The following MINDY3 variants were observed in gnomAD, a reference collection of about 807,000 sequenced individuals.
The protein encoded by MINDY3 is MINDY lysine 48 deubiquitinase 3.
In MINDY3, 38 loss-of-function variants were observed where a neutral mutation model predicts 69.2. The observed-to-expected ratio is 0.55, with a 90% CI of 0.42 to 0.72. The LOEUF (loss-of-function observed/expected upper bound fraction) is 0.72, where lower values mean the gene tolerates loss of function less well. Ranked by LOEUF, MINDY3 falls within the 30% of genes least tolerant of loss-of-function variation. The pLI, the probability that MINDY3 is intolerant of heterozygous loss-of-function variation, is 0.00. For synonymous variants in MINDY3, 192 were observed against 180.1 expected (o/e 1.07, Z -0.53); for missense variants, 522 against 519.0 (o/e 1.01, Z -0.06).
intron 10 of MINDY3, 42 bp from the exon 11 acceptor site, chr10:15,796,214 A>G (rs1183033919): frequency 1.3e-6 from 2 of 1,516,352 alleles, no homozygotes; most frequent in African/African-American, 1.4e-5. Context: ...CTACAGTATT[A>G]TGACATTAAA....
intron 12 of MINDY3, among the ~76,000 whole-genome samples, chr10:15,788,182 C>A (rs752303921): frequency 1.3e-5 from 2 of 152,074 alleles, no homozygotes; most frequent in African/African-American, 4.8e-5. Context: ...ACAACATGGT[C>A]TCTACTTGGA....
At chr10:15,811,227 C>T (rs747149300) in intron 10 of MINDY3, among the ~76,000 whole-genome samples, 17 of 151,822 alleles carry the variant, frequency 1.1e-4, no homozygotes, top group Non-Finnish European at 2.5e-4. Flanking sequence ...ACAATAAAAC[C>T]GAAGTTGAAA....
chr10:15,802,244 C>T (rs371064636), intron 10 of MINDY3, among the ~76,000 whole-genome samples: 4 of 152,082 alleles, frequency 2.6e-5, no homozygotes, highest in African/African-American at 4.8e-5. Context: ...TTTTCAAAAA[C>T]GAACTGCATT....
At chr10:15,798,466 T>G (rs1309807680) in intron 10 of MINDY3, among the ~76,000 whole-genome samples, 1 of 147,766 alleles carries the variant, frequency 6.8e-6, no homozygotes, top group Non-Finnish European at 1.5e-5. Flanking sequence ...TGCCAAGTGT[T>G]TTTTTTTTTT....
chr10:15,833,553 T>G (rs565190843), intron 8 of MINDY3, 77 bp downstream of exon 8: 1 of 953,436 alleles, frequency 1.0e-6, no homozygotes, highest in African/African-American at 1.6e-5. Context: ...AGCCATTAAA[T>G]AGACGAATAA....
At chr10:15,847,692 T>C (rs943086753) in intron 2 of MINDY3, among the ~76,000 whole-genome samples, 172 bp downstream of exon 2, 1 of 152,224 alleles carries the variant, frequency 6.6e-6, no homozygotes, top group African/African-American at 2.4e-5. Context: ...AACTCATCGA[T>C]ATGGTGAATT....
At chr10:15,787,363 T>C (rs754498670) in intron 12 of MINDY3, among the ~76,000 whole-genome samples, 3 of 152,092 alleles carry the variant, frequency 2.0e-5, no homozygotes, top group Admixed American at 6.6e-5. Flanking sequence ...GTTTAATGGG[T>C]TTAAAAATGA....
chr10:15,847,827 T>C, intron 2 of MINDY3, 37 bp downstream of exon 2: 4 of 1,463,396 alleles, frequency 2.7e-6, no homozygotes, highest in Non-Finnish European at 2.9e-6. Flanking sequence ...CGTTTCAAAA[T>C]GTCCCTCTAA....
chr10:15,843,995 C>T (rs922477684), intron 2 of MINDY3, among the ~76,000 whole-genome samples: 19 of 152,108 alleles, frequency 1.2e-4, no homozygotes, highest in African/African-American at 2.7e-4. Flanking sequence ...GTTACAATGA[C>T]GACTTTTCCT....
chr10:15,827,176 T>TA (rs56332799), intron 8 of MINDY3, among the ~76,000 whole-genome samples: 5,825 of 44,852 alleles, frequency 0.13, 695 homozygotes, highest in African/African-American at 0.37. Context: ...ATAACAGGAG[T>TA]AAAAAAAAAA....
At chr10:15,849,526 C>A (rs1174165747) in intron 1 of MINDY3, among the ~76,000 whole-genome samples, 1 of 151,128 alleles carries the variant, frequency 6.6e-6, no homozygotes, top group Non-Finnish European at 1.5e-5. Context: ...AGAGATGATG[C>A]TGACGTAATG....
At chr10:15,838,193 AGAGT>A (rs747411537) in intron 5 of MINDY3, 31 bp downstream of exon 5, 3 of 1,581,678 alleles carry the variant, frequency 1.9e-6, no homozygotes, top group East Asian at 2.3e-5. Flanking sequence ...ATGTGTCCAC[AGAGT>A]AAGTATTTTA....
chr10:15,800,302 T>C (rs578220216), intron 10 of MINDY3, among the ~76,000 whole-genome samples: 6 of 152,272 alleles, frequency 3.9e-5, no homozygotes, highest in Non-Finnish European at 7.4e-5. Context: ...ATACGGACTG[T>C]ACCTGGCACC....
chr10:15,822,462 A>G (rs1839833693), intron 8 of MINDY3, among the ~76,000 whole-genome samples: 1 of 152,230 alleles, frequency 6.6e-6, no homozygotes, highest in Admixed American at 6.5e-5. Context: ...GAGGATGACA[A>G]GAAAATTCAA....
chr10:15,855,254 G>A (rs1588664776), intron 1 of MINDY3, among the ~76,000 whole-genome samples: 1 of 152,056 alleles, frequency 6.6e-6, no homozygotes, highest in South Asian at 2.1e-4. Flanking sequence ...ACAAAGGCTA[G>A]TAGAGCCAAA....
intron 13 of MINDY3, 113 bp from the exon 14 acceptor site, chr10:15,782,339 T>G: frequency 1.4e-6 from 1 of 720,568 alleles, no homozygotes; most frequent in Non-Finnish European, 2.2e-6. Context: ...GACTGGGGAC[T>G]CATTTGACAA....
At position 15,841,505 on chromosome 10, in the gene MINDY3, C is replaced by T. The variant is rs956635820; in HGVS notation, c.330G>A (p.Trp110Ter). ...TTTCCTCAGTTGTCTTTCCTCTTAACCATGAAACCAAGCAGTATGATCCAG... is the reference window on the plus strand; with the variant it reads ...TTTCCTCAGTTGTCTTTCCTCTTAATCATGAAACCAAGCAGTATGATCCAG... ...DHSGSYCLVSWLRGKTTEETA... is the reference protein window; with the variant it reads ...DHSGSYCLVS The change falls in exon 4 of 15, where the codon TGG (tryptophan) becomes TGA (stop). Residue 110 changes from tryptophan to a stop codon, truncating the protein, a stop_gained. Coordinates refer to ENST00000277632, the MANE Select transcript of MINDY3 (RefSeq NM_024948.4). LOFTEE classifies it high-confidence loss of function. 3 of 1,611,900 alleles carry T rather than the reference C, an allele frequency of 1.9e-6. No homozygotes were observed. The highest frequency in any genetic ancestry group is 2.2e-5 in the South Asian group (2 of 91,004).
chr10:15,779,126 C>A lies in MINDY3; in HGVS notation c.1204G>T (p.Gly402Trp). The change falls in exon 15 of 15, where the codon GGG becomes TGG. Residue 402 changes from glycine to tryptophan, a missense_variant. By Grantham distance (184) the Gly-to-Trp change is radical. Transcript: ENST00000277632. ...TCAAAACCCATCACAACTGCAGTCC[C>A]TTCTACGTACATGACCTGTTGAACA... ...NYNEKVMYVE[G>W]TAVVMGFEDP... 1.2e-6 allele frequency: 2 copies of A among 1,613,370 alleles called. No homozygotes were observed. The highest frequency in any genetic ancestry group is 1.7e-6 in the Non-Finnish European group (2 of 1,179,620).
At chr10:15,833,293 C>T (rs1249444977) in intron 8 of MINDY3, among the ~76,000 whole-genome samples, 2 of 152,280 alleles carry the variant, frequency 1.3e-5, no homozygotes, top group South Asian at 2.1e-4. Context: ...TGTAATGCTC[C>T]ATTTTAAGCA....
Sources: gnomAD v4.1 joint callset for allele counts (sites outside exome capture counted in the v4.1 genomes callset) on GRCh38, gnomAD v4.1.1 for gene constraint, MANE v1.5 for transcripts, NCBI Gene and HGNC (gene_info 2026-07-23, HGNC 2026-07-21) for gene names.